Variants in SPECC1L observed in about 807,000 individuals in gnomAD.
SPECC1L encodes cytospin-A.
A neutral mutation model predicts 116.8 loss-of-function variants in SPECC1L; 40 were observed. That is an observed-to-expected ratio of 0.34 (90% CI 0.27 to 0.45). The LOEUF is 0.45. Ranked by LOEUF, SPECC1L falls within the 20% of genes least tolerant of loss-of-function variation. The probability of loss-of-function intolerance (pLI) is 1.00; values close to 1 mark genes in which losing one functional copy is unlikely to be tolerated. For synonymous variants in SPECC1L, 504 were observed against 500.6 expected (o/e 1.01, Z -0.09); for missense variants, 1,110 against 1,373.6 (o/e 0.81, Z 3.03).
chr22:24,347,981 C>T (rs569140560), intron 11 of SPECC1L, among the ~76,000 whole-genome samples: 10 of 152,246 alleles, frequency 6.6e-5, no homozygotes, highest in South Asian at 4.1e-4. Flanking sequence ...TGGCCTTCCA[C>T]GTAGTTTTTT....
intron 14 of SPECC1L, among the ~76,000 whole-genome samples, chr22:24,405,400 G>C (rs563192795): frequency 6.6e-6 from 1 of 151,778 alleles, no homozygotes; most frequent in East Asian, 1.9e-4. Context: ...GCAGAATTGC[G>C]GCCACGTCCC....
intron 14 of SPECC1L, among the ~76,000 whole-genome samples, chr22:24,376,701 C>T (rs752160917): frequency 5.3e-5 from 8 of 152,264 alleles, no homozygotes; most frequent in East Asian, 1.9e-4. Flanking sequence ...GACTTCCACA[C>T]TCAGGCCTGA....
At chr22:24,356,867 T>C (rs5760359) in intron 11 of SPECC1L, among the ~76,000 whole-genome samples, 6,744 of 152,174 alleles carry the variant, frequency 0.044, 334 homozygotes, top group South Asian at 0.14. Context: ...CAGCCTTGCC[T>C]TTATTGGCGT....
At position 24,407,088 on chromosome 22, in the gene SPECC1L, T is replaced by C. The variant is rs549681029; in HGVS notation, c.3088-4500T>C. 3.3e-5 allele frequency among the ~76,000 whole-genome samples: 5 copies of C among 152,306 alleles called. No individual in the cohort carries two copies. In the East Asian group the frequency reaches 9.7e-4, roughly 29 times the overall value. On this transcript the variant is annotated intron_variant, in intron 14 of 16. Coordinates refer to ENST00000314328, the MANE Select transcript of SPECC1L (RefSeq NM_015330.6). ...CTCCCTACTTTCTGCCTCCAGCTTA[T>C]CACATAGGGTGCCTTGGAGCCACGT...
intron 6 of SPECC1L, among the ~76,000 whole-genome samples, chr22:24,325,064 T>C (rs978551340): frequency 6.6e-6 from 1 of 152,234 alleles, no homozygotes; most frequent in African/African-American, 2.4e-5. Flanking sequence ...AAAGTTGGTC[T>C]AATAACATTG....
At chr22:24,271,867 G>T (rs968759701) in intron 1 of SPECC1L, among the ~76,000 whole-genome samples, 6 of 152,206 alleles carry the variant, frequency 3.9e-5, no homozygotes, top group Non-Finnish European at 5.9e-5. Flanking sequence ...TGTCAAAAGA[G>T]CCTCTTAAGC....
At chr22:24,334,097 C>G (rs2040996593) in intron 8 of SPECC1L, among the ~76,000 whole-genome samples, 1 of 150,578 alleles carries the variant, frequency 6.6e-6, no homozygotes, top group South Asian at 2.1e-4. Flanking sequence ...ACTGCAAGCT[C>G]TGCCTCATGG....
intron 10 of SPECC1L, among the ~76,000 whole-genome samples, chr22:24,344,955 A>G (rs2041260179): frequency 6.6e-6 from 1 of 152,200 alleles, no homozygotes; most frequent in Non-Finnish European, 1.5e-5. Flanking sequence ...AGTCTTTTAA[A>G]TTGGTCTGTA....
At chr22:24,308,505 T>C (rs972653541) in intron 3 of SPECC1L, among the ~76,000 whole-genome samples, 1 of 152,212 alleles carries the variant, frequency 6.6e-6, no homozygotes, top group East Asian at 1.9e-4. Flanking sequence ...CACAGAAGTG[T>C]ATGGAAACAG....
rs2040884828 is a variant in SPECC1L, at chr22:24,329,047, T to C, written c.2220+128T>C. On this transcript the variant is annotated intron_variant, in intron 7 of 16. Coordinates refer to ENST00000314328, the MANE Select transcript of SPECC1L (RefSeq NM_015330.6). Reference sequence around the variant, plus strand: ...TGATAATACTGGCCCCATTGGGCTTTGGGCAGAAAGCAAATGCTATCATTT... The same window carrying C: ...TGATAATACTGGCCCCATTGGGCTTCGGGCAGAAAGCAAATGCTATCATTT... The C allele has an allele frequency of 2.1e-5, 16 of 752,110 alleles. No homozygotes were observed. The South Asian group carries it at 2.2e-4, about 10-fold the overall frequency. The allele number at this position is 752,110 out of a possible 1,614,324, so 46.6% of individuals were successfully genotyped here.
chr22:24,346,941 G>A, intron 10 of SPECC1L, 145 bp from the exon 11 acceptor site: 1 of 708,728 alleles, frequency 1.4e-6, no homozygotes, highest in Non-Finnish European at 2.6e-6. Flanking sequence ...CACAGTCCAT[G>A]CCTGTAAGGT....
intron 11 of SPECC1L, among the ~76,000 whole-genome samples, chr22:24,361,826 AAAC>A (rs1402243190): frequency 6.6e-6 from 1 of 151,790 alleles, no homozygotes; most frequent in African/African-American, 2.4e-5. Context: ...AAAAAACAAA[AAAC>A]GAGAGAGAGA....
intron 13 of SPECC1L, among the ~76,000 whole-genome samples, chr22:24,366,427 T>C (rs1225703974): frequency 1.3e-5 from 2 of 152,046 alleles, no homozygotes; most frequent in Non-Finnish European, 2.9e-5. Flanking sequence ...TCTCCTGACC[T>C]CGTGATCCAC....
At chr22:24,302,788 T>C (rs898152364) in intron 3 of SPECC1L, among the ~76,000 whole-genome samples, 7 of 152,118 alleles carry the variant, frequency 4.6e-5, no homozygotes, top group Non-Finnish European at 1.0e-4. Flanking sequence ...TAAGTAAATA[T>C]TGTTTCAAGC....
rs397955926 is a variant in SPECC1L, at chr22:24,272,666, CAA to C, written c.-142+1697_-142+1698del. On this transcript the variant is annotated intron_variant, in intron 1 of 16. Transcript: ENST00000314328. ...TGGGCGACAGAGTGAGACTCTGTCT[CAA>C]AAAAAAAAAAAAACAGCTATTACAA... Among the ~76,000 whole-genome samples, 59 of 77,038 alleles carry C rather than the reference CAA, an allele frequency of 7.7e-4. 1 individual carries two copies. In the South Asian group the frequency reaches 0.017, roughly 22 times the overall value. 50.5% of individuals were successfully genotyped at this position (77,038 alleles called of 152,430 possible).
At chr22:24,372,416 T>C (rs2041889974) in intron 14 of SPECC1L, among the ~76,000 whole-genome samples, 1 of 151,830 alleles carries the variant, frequency 6.6e-6, no homozygotes, top group East Asian at 1.9e-4. Flanking sequence ...CAGCTGCTGC[T>C]GGATCCACCA....
At chr22:24,363,189 C>T (rs1450509326) in intron 11 of SPECC1L, 72 bp from the exon 12 acceptor site, 2 of 1,367,164 alleles carry the variant, frequency 1.5e-6, no homozygotes, top group Non-Finnish European at 2.1e-6. Context: ...TAAAACTCAC[C>T]TTCTTTGTAC....
chr22:24,349,426 T>A lies in SPECC1L; in HGVS notation c.2743+2250T>A, dbSNP rs148500138. ...CCTTTGTTCTTTGTCCTCACTTTCT[T>A]TGTTATTGTATCCTGTCTCATGACT... On this transcript the variant is annotated intron_variant, in intron 11 of 16. Transcript: ENST00000314328. Among the ~76,000 whole-genome samples the A allele has an allele frequency of 7.8e-3, 1,182 of 152,340 alleles. 9 individuals are homozygous for A. The highest frequency in any genetic ancestry group is 0.024 in the South Asian group (116 of 4,828).
At chr22:24,392,904 C>G (rs756348574) in intron 14 of SPECC1L, among the ~76,000 whole-genome samples, 1 of 152,212 alleles carries the variant, frequency 6.6e-6, no homozygotes, top group Non-Finnish European at 1.5e-5. Flanking sequence ...CGGAGACTTT[C>G]ACTAGACCTG....
Sources: gnomAD v4.1 joint callset for allele counts (sites outside exome capture counted in the v4.1 genomes callset) on GRCh38, gnomAD v4.1.1 for gene constraint, MANE v1.5 for transcripts, NCBI Gene and HGNC (gene_info 2026-07-23, HGNC 2026-07-21) for gene names.